Variants in SEMA3F observed in about 807,000 individuals in gnomAD.
SEMA3F encodes the protein semaphorin 3F.
A neutral mutation model predicts 98.5 loss-of-function variants in SEMA3F; 30 were observed. The observed-to-expected ratio is 0.30, with a 90% CI of 0.23 to 0.41. SEMA3F has a LOEUF of 0.41. SEMA3F is among the 10% of genes least tolerant of loss of function. The pLI is 1.00. For synonymous variants in SEMA3F, 380 were observed against 444.8 expected (o/e 0.85, Z 1.83); for missense variants, 866 against 1,119.3 (o/e 0.77, Z 3.23).
chr3:50,183,692 A>G (rs942038439), intron 12 of SEMA3F, 128 bp downstream of exon 12: 4 of 973,990 alleles, frequency 4.1e-6, no homozygotes, highest in Non-Finnish European at 6.2e-6. Context: ...GCTGTAATGC[A>G]CACACAGACG....
At chr3:50,165,948 C>T (rs768976564) in intron 2 of SEMA3F, among the ~76,000 whole-genome samples, 14 of 152,068 alleles carry the variant, frequency 9.2e-5, no homozygotes, top group African/African-American at 2.7e-4. Flanking sequence ...ATCGGGCTGA[C>T]GGGCTGGGCT....
chr3:50,169,600 C>G lies in SEMA3F; in HGVS notation c.113-4193C>G, dbSNP rs79121707. Among the ~76,000 whole-genome samples the G allele has an allele frequency of 7.6e-4, 116 of 152,262 alleles. 1 individual carries two copies. Among genetic ancestry groups the G allele is most frequent in the African/African-American group, 2.8e-3 (115 of 41,564 alleles). On this transcript the variant is annotated intron_variant, in intron 2 of 18. Transcript: ENST00000002829. ...ACACCACCCTTCCTCCCCCTAAGGT[C>G]AAAGCTTATCTGGGCTGGAGTCCTG...
At chr3:50,175,412 G>A (rs537066966) in intron 6 of SEMA3F, among the ~76,000 whole-genome samples, 5 of 152,250 alleles carry the variant, frequency 3.3e-5, no homozygotes, top group African/African-American at 9.6e-5. Context: ...TAATGAAGCC[G>A]CCAGGTGGGG....
chr3:50,183,809 CTGTTTGGG>C (rs1311949398), intron 12 of SEMA3F, among the ~76,000 whole-genome samples: 2 of 152,068 alleles, frequency 1.3e-5, no homozygotes, highest in Admixed American at 1.3e-4. Flanking sequence ...CTCTGTGGGG[CTGTTTGGG>C]AGCTGAAGGT....
chr3:50,159,548 C>A, intron 1 of SEMA3F, 27 bp from the exon 2 acceptor site: 1 of 870,690 alleles, frequency 1.1e-6, no homozygotes. Flanking sequence ...CTGCCTCACA[C>A]ATTCCAATCT....
In SEMA3F at chr3:50,186,046, GGT is replaced by G. The variant is rs1233932517; in HGVS notation, c.1745+4_1745+5del. On this transcript the variant is annotated splice_donor_variant, in intron 16 of 18. Coordinates refer to ENST00000002829, the MANE Select transcript of SEMA3F (RefSeq NM_004186.5). LOFTEE classifies it high-confidence loss of function. ...TCCCGCTATACAGCATCCTCCAAGA[GGT>G]GTGGACCCCTAGACACCTAGAATTT... is the stretch of plus-strand genomic sequence containing the variant. 6.2e-7 allele frequency: 1 copy of G among 1,606,972 alleles called. No individual in the cohort carries two copies. Among genetic ancestry groups the G allele is most frequent in the African/African-American group, 1.3e-5 (1 of 74,726 alleles).
At chr3:50,186,835 A>G (rs951116736) in intron 18 of SEMA3F, 89 bp downstream of exon 18, 127 of 1,329,614 alleles carry the variant, frequency 9.6e-5, no homozygotes, top group Non-Finnish European at 1.2e-4. Flanking sequence ...AGCAACTCTC[A>G]TGCTGTGAAA....
In SEMA3F at chr3:50,162,022, A is replaced by T. The variant is rs369416230; in HGVS notation, c.112+2288A>T. 7.2e-5 allele frequency among the ~76,000 whole-genome samples: 11 copies of T among 152,330 alleles called. No homozygotes were observed. The East Asian group carries it at 1.7e-3, about 24-fold the overall frequency. ...GTTACTCTCAGAAGCACTGCTGGTC[A>T]CTGTGGCTCCATGTCATAGTTTTTT... On this transcript the variant is annotated intron_variant, in intron 2 of 18. Transcript: ENST00000002829.
rs770471346 is a variant in SEMA3F at position 50,182,266 on chromosome 3, C to T, written c.644-18C>T. The T allele has an allele frequency of 5.0e-6, 8 of 1,614,012 alleles. No individual in the cohort carries two copies. Among genetic ancestry groups the T allele is most frequent in the Non-Finnish European group, 6.8e-6 (8 of 1,180,018 alleles). On this transcript the variant is annotated intron_variant, in intron 7 of 18. Coordinates refer to ENST00000002829, the MANE Select transcript of SEMA3F (RefSeq NM_004186.5). The surrounding 1 kb of genome is among the most constrained non-coding windows in gnomAD (Gnocchi z 4.5). The stretch of plus-strand genomic sequence containing the variant: ...AGCAAACAGCAGCCCCCCAACTGAC[C>T]CACTGGCCTACCCACAGATGAGGAG...
Position 50,187,826 on chromosome 3 carries a change from C to T in SEMA3F, c.2069C>T (p.Thr690Ile), listed in dbSNP as rs1469832895. 1 of 1,613,534 alleles carries T rather than the reference C, an allele frequency of 6.2e-7. No individual in the cohort carries two copies. Among genetic ancestry groups the T allele is most frequent in the Non-Finnish European group, 8.5e-7 (1 of 1,180,016 alleles). Residue 690 changes from threonine to isoleucine, a missense_variant, in exon 19 of 19, where the codon ACA becomes ATA. By Grantham distance (89) the Thr-to-Ile change is moderately conservative. Around this residue, in one of 3 missense-constraint regions of SEMA3F, gnomAD observed 245 missense variants for 260.5 expected, o/e 0.94. Transcript: ENST00000002829. ...GAGAACAACTTTAAGCACGTCGTCA[C>T]ACGAGTGCAGCTGCATGTACTGGGC... ...ATENNFKHVV[T>I]RVQLHVLGRD...
At chr3:50,160,721 T>C (rs902292873) in intron 2 of SEMA3F, among the ~76,000 whole-genome samples, 1 of 152,092 alleles carries the variant, frequency 6.6e-6, no homozygotes, top group African/African-American at 2.4e-5. Flanking sequence ...CATACTGGGG[T>C]GAAAGGCTGG....
Position 50,185,990 on chromosome 3 carries a change from C to G in SEMA3F, c.1689C>G (p.Asp563Glu). Reference sequence around the variant, plus strand: ...GTGCTGACTGCTGCCTTGCCCGGGACCCTTACTGTGCCTGGGATGGCCAGG... The same window carrying G: ...GTGCTGACTGCTGCCTTGCCCGGGAGCCTTACTGTGCCTGGGATGGCCAGG... ...AACADCCLAR[D>E]PYCAWDGQAC... Residue 563 changes from aspartate (D) to glutamate (E), a missense_variant, in exon 16 of 19, where the codon GAC (aspartate) becomes GAG (glutamate). Physicochemically the swap from Asp to Glu is conservative, Grantham distance 45. Around this residue, in one of 3 missense-constraint regions of SEMA3F, gnomAD observed 374 missense variants for 582.8 expected, o/e 0.64. Coordinates refer to ENST00000002829, the MANE Select transcript of SEMA3F (RefSeq NM_004186.5). 1 of 1,614,096 alleles carries G rather than the reference C, an allele frequency of 6.2e-7. No homozygotes were observed. Among genetic ancestry groups the G allele is most frequent in the Non-Finnish European group, 8.5e-7 (1 of 1,179,982 alleles).
At position 50,188,202 on chromosome 3, in the gene SEMA3F, A is replaced by T; in HGVS notation, c.*87A>T. Reference sequence around the variant, plus strand: ...ATATATATATATATATATATATAAAATATCTATATTCTATACACACCCTGC... The same window carrying T: ...ATATATATATATATATATATATAAATTATCTATATTCTATACACACCCTGC... On this transcript the variant is annotated 3_prime_UTR_variant, in exon 19 of 19. Coordinates refer to ENST00000002829, the MANE Select transcript of SEMA3F (RefSeq NM_004186.5). This position sits in a 1 kb window ranked among gnomAD's most constrained non-coding sequence, Gnocchi z 4.5. 1 of 423,396 alleles carries T rather than the reference A, an allele frequency of 2.4e-6. No individual in the cohort carries two copies. Among genetic ancestry groups the T allele is most frequent in the Non-Finnish European group, 3.5e-6 (1 of 288,092 alleles). 26.2% of individuals were successfully genotyped at this position (423,396 alleles called of 1,614,324 possible). A position where few individuals can be genotyped will look rare whatever the true frequency, so the allele number is the denominator to read the frequency against.
At position 50,187,927 on chromosome 3, in the gene SEMA3F, A is replaced by G. The variant is rs774797321; in HGVS notation, c.2170A>G (p.Thr724Ala). The G allele has an allele frequency of 4.3e-5, 69 of 1,607,632 alleles. No homozygotes were observed. The highest frequency in any genetic ancestry group is 5.8e-5 in the Non-Finnish European group (68 of 1,177,086). ...APPPPGAGPP[T>A]PPYQELAQLL... is the part of the protein sequence containing the mutation. Reference sequence around the variant, plus strand: ...GCCACCCCCAGGCGCAGGCCCCCCAACGCCTCCTTACCAGGAGTTAGCCCA... The same window carrying G: ...GCCACCCCCAGGCGCAGGCCCCCCAGCGCCTCCTTACCAGGAGTTAGCCCA... The change falls in exon 19 of 19, where the codon ACG becomes GCG. Residue 724 changes from threonine (T) to alanine (A), a missense_variant. Thr to Ala is a moderately conservative substitution (Grantham distance 58, BLOSUM62 0). Around this residue, in one of 3 missense-constraint regions of SEMA3F, gnomAD observed 245 missense variants for 260.5 expected, o/e 0.94. Transcript: ENST00000002829.
chr3:50,174,999 T>C, intron 5 of SEMA3F, 97 bp from the exon 6 acceptor site: 1 of 805,776 alleles, frequency 1.2e-6, no homozygotes, highest in South Asian at 1.5e-5. Flanking sequence ...TGTTCACGTG[T>C]GTTCCTGGCC....
chr3:50,187,596 A>G (rs11711407), intron 18 of SEMA3F, 109 bp from the exon 19 acceptor site: 418,616 of 806,348 alleles, frequency 0.52, 114,347 homozygotes, highest in South Asian at 0.73. Context: ...TGGAAATCCC[A>G]CATGGGTGCC....
rs748724695 is a variant in SEMA3F, at chr3:50,186,252, G to T, written c.1746-29G>T. On this transcript the variant is annotated intron_variant, in intron 16 of 18. Transcript: ENST00000002829. ...ACCTGGGGGGGCAAGCTTCCTGGGA[G>T]CACTCCTTCAGGGGCTATCCTCATC... The T allele has an allele frequency of 2.5e-6, 4 of 1,608,676 alleles. No homozygotes were observed. The East Asian group carries it at 6.7e-5, about 27-fold the overall frequency.
chr3:50,159,460 G>A (rs1698121270), intron 1 of SEMA3F, 115 bp from the exon 2 acceptor site: 6 of 579,108 alleles, frequency 1.0e-5, no homozygotes, highest in East Asian at 9.1e-5. Flanking sequence ...GGCATTCATG[G>A]CCCCAGGCTG....
chr3:50,172,757 T>C (rs2109084706), intron 2 of SEMA3F, among the ~76,000 whole-genome samples: 1 of 152,262 alleles, frequency 6.6e-6, no homozygotes, highest in African/African-American at 2.4e-5. Context: ...CTAACCTGCT[T>C]CAGACCAAGT....
Sources: gnomAD v4.1 joint callset for allele counts (sites outside exome capture counted in the v4.1 genomes callset) on GRCh38, gnomAD v4.1.1 for gene constraint, gnomAD v4.1.1 regional missense constraint, Gnocchi (gnomAD v3.1) non-coding constraint, MANE v1.5 for transcripts, NCBI Gene and HGNC (gene_info 2026-07-23, HGNC 2026-07-21) for gene names.